The following SERPINE2 variants were observed in gnomAD, a reference collection of about 807,000 sequenced individuals.
SERPINE2 encodes serpin family E member 2.
In SERPINE2, 14 loss-of-function variants were observed where a neutral mutation model predicts 36.3. The ratio of observed to expected loss-of-function variants is 0.39; its 90% confidence interval spans 0.25 to 0.60. SERPINE2 has a LOEUF of 0.60. SERPINE2 is among the 20% of genes least tolerant of loss of function. The pLI is 0.57. For synonymous variants in SERPINE2, 192 were observed against 191.8 expected, an observed-to-expected ratio of 1.00 and a Z score of -0.01; for missense variants, 418 against 499.6, an observed-to-expected ratio of 0.84 and a Z score of 1.56.
chr2:224,001,696 C>T lies in SERPINE2; in HGVS notation c.205G>A (p.Ala69Thr), dbSNP rs765692891. The change falls in exon 2 of 9, where the codon GCG (alanine) becomes ACG (threonine). Residue 69 changes from alanine to threonine, a missense_variant. Transcript: ENST00000409304. Reference protein sequence around the residue: ...ASVLGMLQLGADGRTKKQLAM... With the variant: ...ASVLGMLQLGTDGRTKKQLAM... ...AGCTGCTTCTTGGTCCTGCCGTCCG[C>T]CCCCAGCTGAAGCATCCCCAGGACC... The T allele has an allele frequency of 4.3e-6, 7 of 1,614,086 alleles. No homozygotes were observed. Among genetic ancestry groups the T allele is most frequent in the South Asian group, 2.2e-5 (2 of 91,080 alleles).
At chr2:224,001,979 T>G (rs1017811931) in intron 1 of SERPINE2, 57 bp from the exon 2 acceptor site, 1 of 1,012,394 alleles carries the variant, frequency 9.9e-7, no homozygotes, top group Non-Finnish European at 1.3e-6. Context: ...CTTTACTACT[T>G]TTTTTTTTTT....
In SERPINE2 at chr2:223,991,947, G is replaced by C. The variant is rs750438753; in HGVS notation, c.541C>G (p.Leu181Val). The C allele has an allele frequency of 5.6e-6, 9 of 1,613,712 alleles. No individual in the cohort carries two copies. Among genetic ancestry groups the C allele is most frequent in the Non-Finnish European group, 7.6e-6 (9 of 1,179,896 alleles). ...AAATACACTGCGTTGACGAGGACCA[G>C]TCTGGTGAGCACACCATCAATAAGA... The part of the protein sequence containing the change: ...PDLIDGVLTR[L>V]VLVNAVYFKG... The change falls in exon 4 of 9, where the codon CTG becomes GTG. Residue 181 changes from leucine to valine, a missense_variant. Coordinates refer to ENST00000409304, the MANE Select transcript of SERPINE2 (RefSeq NM_001136528.2).
intron 1 of SERPINE2, among the ~76,000 whole-genome samples, chr2:224,032,743 C>T (rs1190680252): frequency 6.6e-6 from 1 of 152,198 alleles, no homozygotes. Context: ...TGTTCCTGAT[C>T]TAATCTTGAA....
chr2:224,026,932 T>C (rs572623681), intron 1 of SERPINE2, among the ~76,000 whole-genome samples: 4 of 152,228 alleles, frequency 2.6e-5, no homozygotes, highest in Non-Finnish European at 4.4e-5. Context: ...CGTCAGAGAC[T>C]AAATAGCCAA....
At chr2:223,987,609 A>G (rs909352910) in intron 4 of SERPINE2, among the ~76,000 whole-genome samples, 1 of 152,236 alleles carries the variant, frequency 6.6e-6, no homozygotes, top group Non-Finnish European at 1.5e-5. Flanking sequence ...GGTGAAAAAG[A>G]GAAAATAAGG....
intron 1 of SERPINE2, chr2:224,010,413 T>TATA (rs1691587539): frequency 1.0e-6 from 1 of 970,476 alleles, no homozygotes; most frequent in Non-Finnish European, 1.2e-6. Flanking sequence ...CATATTTTAT[T>TATA]ATAAAGTACA....
At chr2:224,010,909 C>T (rs984037152) in intron 1 of SERPINE2, among the ~76,000 whole-genome samples, 8 of 152,198 alleles carry the variant, frequency 5.3e-5, no homozygotes, top group Non-Finnish European at 8.8e-5. Context: ...TCAAACACTG[C>T]TACCTTGATA....
At chr2:224,038,003 A>G (rs756807588) in intron 1 of SERPINE2, among the ~76,000 whole-genome samples, 20 of 152,206 alleles carry the variant, frequency 1.3e-4, no homozygotes, top group Non-Finnish European at 2.4e-4. Context: ...AATAGCAAAT[A>G]AGTACTGATT....
rs767383300 is a variant in SERPINE2, at chr2:223,998,101, C to T, written c.487+14G>A. ...ACAAACTATGCAATCAAATGACATA[C>T]TGCGGCCACTCACCCCTGGTTTCAT... On this transcript the variant is annotated intron_variant, in intron 3 of 8. Coordinates refer to ENST00000409304, the MANE Select transcript of SERPINE2 (RefSeq NM_001136528.2). 1 of 1,594,744 alleles carries T rather than the reference C, an allele frequency of 6.3e-7. No homozygotes were observed. Among genetic ancestry groups the T allele is most frequent in the Non-Finnish European group, 8.6e-7 (1 of 1,162,588 alleles).
At chr2:224,037,357 G>A (rs1574856997) in intron 1 of SERPINE2, among the ~76,000 whole-genome samples, 1 of 152,172 alleles carries the variant, frequency 6.6e-6, no homozygotes, top group Admixed American at 6.5e-5. Flanking sequence ...GTGGGAGTCC[G>A]GTTTGCAACC....
intron 1 of SERPINE2, among the ~76,000 whole-genome samples, chr2:224,020,783 A>T (rs1312901989): frequency 6.6e-6 from 1 of 152,212 alleles, no homozygotes; most frequent in Non-Finnish European, 1.5e-5. Context: ...ATAATGCATG[A>T]TTTAAAGCAC....
In SERPINE2 at chr2:224,008,367, G is replaced by A. The variant is rs116227182; in HGVS notation, c.-22-6445C>T. On this transcript the variant is annotated intron_variant, in intron 1 of 8. Coordinates refer to ENST00000409304, the MANE Select transcript of SERPINE2 (RefSeq NM_001136528.2). ...TAATCAACTACTTGGTTGCCCTGAGGTTTATTTTGTGTTACAAGGGCAGGA... is the reference window on the plus strand; with the variant it reads ...TAATCAACTACTTGGTTGCCCTGAGATTTATTTTGTGTTACAAGGGCAGGA... 6.4e-3 allele frequency among the ~76,000 whole-genome samples: 970 copies of A among 152,198 alleles called. 11 individuals are homozygous for A. The highest frequency in any genetic ancestry group is 0.022 in the African/African-American group (930 of 41,520).
intron 1 of SERPINE2, among the ~76,000 whole-genome samples, chr2:224,036,267 G>C (rs944326198): frequency 6.6e-6 from 1 of 151,706 alleles, no homozygotes; most frequent in Non-Finnish European, 1.5e-5. Context: ...AGCGAACCCT[G>C]GGTAACCCCA....
intron 5 of SERPINE2, among the ~76,000 whole-genome samples, chr2:223,983,081 T>C (rs1309058738): frequency 3.3e-5 from 5 of 152,226 alleles, no homozygotes; most frequent in African/African-American, 1.2e-4. Flanking sequence ...TACTTTCTTT[T>C]ATACTGACGT....
intron 4 of SERPINE2, among the ~76,000 whole-genome samples, chr2:223,991,020 T>A (rs1690643833): frequency 6.6e-6 from 1 of 152,174 alleles, no homozygotes; most frequent in Non-Finnish European, 1.5e-5. Flanking sequence ...TCTGAAATCC[T>A]ACCATTAATA....
At chr2:224,029,360 G>T (rs1322035513) in intron 1 of SERPINE2, among the ~76,000 whole-genome samples, 1 of 136,882 alleles carries the variant, frequency 7.3e-6, no homozygotes, top group Non-Finnish European at 1.6e-5. Flanking sequence ...GTCCAAAGTG[G>T]ATAACTGCCA....
chr2:224,030,147 G>A (rs1692313884), intron 1 of SERPINE2: 1 of 985,482 alleles, frequency 1.0e-6, no homozygotes, highest in Non-Finnish European at 1.2e-6. Flanking sequence ...GGAGTCAGAA[G>A]GAGGTTATTT....
intron 6 of SERPINE2, chr2:223,980,941 A>T (rs1390554997): frequency 2.0e-5 from 3 of 152,710 alleles, no homozygotes; most frequent in African/African-American, 7.2e-5. Context: ...CGAACAAGAG[A>T]AGAGTTTAGA....
At chr2:224,024,070 G>GT (rs1692102683) in intron 1 of SERPINE2, among the ~76,000 whole-genome samples, 1 of 152,144 alleles carries the variant, frequency 6.6e-6, no homozygotes, top group Non-Finnish European at 1.5e-5. Context: ...CCAAAATATA[G>GT]TAAGTAAATA....
Sources: allele counts gnomAD v4.1 joint callset (sites outside exome capture counted in the v4.1 genomes callset), GRCh38; gene constraint gnomAD v4.1.1; transcripts MANE v1.5; gene names NCBI Gene and HGNC (gene_info 2026-07-23, HGNC 2026-07-21).